The following SEC24C variants were observed in gnomAD, a reference collection of about 807,000 sequenced individuals.
SEC24C encodes protein transport protein Sec24C.
In SEC24C, 22 loss-of-function variants were observed where a neutral mutation model predicts 117.0. That is an observed-to-expected ratio of 0.19 (90% CI 0.13 to 0.27). The LOEUF (loss-of-function observed/expected upper bound fraction) is 0.27, where lower values mean the gene tolerates loss of function less well. Ranked by LOEUF, SEC24C falls within the 10% of genes least tolerant of loss-of-function variation. SEC24C has a pLI of 1.00. For synonymous variants in SEC24C, 506 were observed against 529.4 expected, an observed-to-expected ratio of 0.96 and a Z score of 0.61; for missense variants, 1,155 against 1,375.1, an observed-to-expected ratio of 0.84 and a Z score of 2.53.
In SEC24C at chr10:73,769,044, G is replaced by A; in HGVS notation, c.2316G>A (p.Met772Ile). 4.3e-6 allele frequency: 7 copies of A among 1,614,212 alleles called. No homozygotes were observed. The highest frequency in any genetic ancestry group is 5.9e-6 in the Non-Finnish European group (7 of 1,180,044). The change falls in exon 17 of 23, where the codon ATG becomes ATA. Residue 772 changes from methionine (M) to isoleucine (I), a missense_variant. By Grantham distance (10) the Met-to-Ile change is conservative (BLOSUM62 1). Around this residue, in one of 2 missense-constraint regions of SEC24C, gnomAD observed 759 missense variants for 992.3 expected, o/e 0.76. Transcript: ENST00000345254. The surrounding 1 kb of genome is among the most constrained non-coding windows in gnomAD (Gnocchi z 4.5). ...RAVDFFGAFYMSNTTDVELAG... is the reference protein window; with the variant it reads ...RAVDFFGAFYISNTTDVELAG... The stretch of plus-strand genomic sequence containing the variant: ...TAGATTTCTTTGGAGCTTTCTACAT[G>A]AGCAACACGACAGATGTGGAGCTGG...
intron 2 of SEC24C, among the ~76,000 whole-genome samples, chr10:73,749,638 G>C (rs923656042): frequency 6.6e-5 from 10 of 151,696 alleles, no homozygotes; most frequent in African/African-American, 2.4e-4. Flanking sequence ...CTGTCTCCCG[G>C]GTTCAAGCAG....
intron 5 of SEC24C, 113 bp from the exon 6 acceptor site, chr10:73,760,600 G>A: frequency 8.1e-7 from 1 of 1,227,498 alleles, no homozygotes; most frequent in Non-Finnish European, 1.1e-6. Context: ...TCTTTGCCAG[G>A]CATTAGTGTG....
In SEC24C at chr10:73,760,078, C is replaced by G. The variant is rs745761294; in HGVS notation, c.542C>G (p.Ser181Cys). 1.1e-5 allele frequency: 18 copies of G among 1,613,608 alleles called. No homozygotes were observed. The highest frequency in any genetic ancestry group is 3.3e-4 in the Middle Eastern group (2 of 6,082). Reference protein sequence around the residue: ...GSFPNSGLYGSYPQGQAPPLS... With the variant: ...GSFPNSGLYGCYPQGQAPPLS... Reference sequence around the variant, plus strand: ...TTCCCTAACTCTGGTCTGTATGGCTCCTATCCTCAGGGCCAGGCTCCTCCC... The same window carrying G: ...TTCCCTAACTCTGGTCTGTATGGCTGCTATCCTCAGGGCCAGGCTCCTCCC... Residue 181 changes from serine (S) to cysteine (C), a missense_variant, in exon 5 of 23, where the codon TCC (serine) becomes TGC (cysteine). Ser to Cys is a moderately radical substitution (Grantham distance 112). Around this residue, in one of 2 missense-constraint regions of SEC24C, gnomAD observed 396 missense variants for 382.8 expected, o/e 1.03. Coordinates refer to ENST00000345254, the MANE Select transcript of SEC24C (RefSeq NM_198597.3).
At chr10:73,755,019 G>C (rs1298254276) in intron 3 of SEC24C, among the ~76,000 whole-genome samples, 1 of 152,104 alleles carries the variant, frequency 6.6e-6, no homozygotes, top group Non-Finnish European at 1.5e-5. Context: ...TGTGGTCCCA[G>C]CTTCTTGGGA....
Position 73,767,914 on chromosome 10 carries a change from C to CGGTG in SEC24C, c.2088_2089insGGTG (p.Phe697GlyfsTer6). On this transcript the variant is annotated frameshift_variant, in exon 15 of 23. Coordinates refer to ENST00000345254, the MANE Select transcript of SEC24C (RefSeq NM_198597.3). LOFTEE classifies it high-confidence loss of function. ...TGGCCCAAGGCTGCTGTGTAGATCT[C>CGGTG]TTTCTCTTCCCTAACCAGTATGTGG... The CGGTG allele has an allele frequency of 1.9e-6, 3 of 1,594,532 alleles. No individual in the cohort carries two copies. The highest frequency in any genetic ancestry group is 2.3e-5 in the East Asian group (1 of 44,222).
intron 22 of SEC24C, 49 bp downstream of exon 22, chr10:73,770,847 T>C (rs376729482): frequency 3.5e-5 from 57 of 1,610,846 alleles, no homozygotes; most frequent in Non-Finnish European, 4.8e-5. Context: ...AGTCCTCACC[T>C]AGAAGTGGGG....
intron 1 of SEC24C, among the ~76,000 whole-genome samples, chr10:73,745,837 A>G (rs1396706835): frequency 2.0e-5 from 3 of 151,862 alleles, no homozygotes; most frequent in Admixed American, 2.0e-4. Flanking sequence ...GGCATGAGCC[A>G]CTGTGCCTGG....
intron 6 of SEC24C, among the ~76,000 whole-genome samples, chr10:73,761,291 T>A (rs1442100502): frequency 6.6e-6 from 1 of 152,208 alleles, no homozygotes; most frequent in Non-Finnish European, 1.5e-5. Flanking sequence ...TGCTCTTACT[T>A]GGACAGTTTT....
At chr10:73,747,733 C>A (rs1316776729) in intron 2 of SEC24C, among the ~76,000 whole-genome samples, 1 of 150,072 alleles carries the variant, frequency 6.7e-6, no homozygotes, top group African/African-American at 2.5e-5. Flanking sequence ...GATCTCGGCT[C>A]ACCACAACCT....
chr10:73,771,024 C>CT lies in SEC24C; in HGVS notation c.3215dup (p.Ser1073GlufsTer54), dbSNP rs774617880. The CT allele has an allele frequency of 6.2e-7, 1 of 1,614,202 alleles. No homozygotes were observed. The highest frequency in any genetic ancestry group is 8.5e-7 in the Non-Finnish European group (1 of 1,180,036). The stretch of plus-strand genomic sequence containing the variant: ...GCACTTCCTGGTGGAAGACAAGAGT[C>CT]TGAGTGGGGGAGCATCTTATGTGGA... On this transcript the variant is annotated frameshift_variant, in exon 23 of 23. Transcript: ENST00000345254. LOFTEE classifies it high-confidence loss of function.
In SEC24C at chr10:73,763,914, C is replaced by G. The variant is rs375942607; in HGVS notation, c.1158C>G (p.Asp386Glu). The change falls in exon 8 of 23, where the codon GAC becomes GAG. Residue 386 changes from aspartate to glutamate, a missense_variant. By Grantham distance (45) the Asp-to-Glu change is conservative. Transcript: ENST00000345254. Reference sequence around the variant, plus strand: ...CCTATAATATCCCTTGCACATCTGACATGGCTAAGCAGGCTCAGGTGCCCC... The same window carrying G: ...CCTATAATATCCCTTGCACATCTGAGATGGCTAAGCAGGCTCAGGTGCCCC... ...CTSYNIPCTS[D>E]MAKQAQVPLA... 2.4e-5 allele frequency: 39 copies of G among 1,613,094 alleles called. No homozygotes were observed. The highest frequency in any genetic ancestry group is 4.0e-5 in the African/African-American group (3 of 74,840).
rs1224920138 is a variant in SEC24C, at chr10:73,771,838, G to A, written c.*743G>A. On this transcript the variant is annotated 3_prime_UTR_variant, in exon 23 of 23. Transcript: ENST00000345254. ...GGTCATCAACTTGCAATACCTCACA[G>A]AGCCAGTTCACATCCCACTCTGAGC... The A allele has an allele frequency of 1.3e-5, 2 of 155,216 alleles. No individual in the cohort carries two copies. The highest frequency in any genetic ancestry group is 2.4e-5 in the African/African-American group (1 of 41,576). 9.6% of individuals were successfully genotyped at this position (155,216 alleles called of 1,614,324 possible). A position where few individuals can be genotyped will look rare whatever the true frequency, so the allele number is the denominator to read the frequency against.
chr10:73,749,093 G>C (rs1273174925), intron 2 of SEC24C, among the ~76,000 whole-genome samples: 1 of 152,140 alleles, frequency 6.6e-6, no homozygotes, highest in East Asian at 1.9e-4. Context: ...AAGCCATCTA[G>C]TGGGAACACA....
intron 8 of SEC24C, 92 bp from the exon 9 acceptor site, chr10:73,765,359 G>A (rs1225765690): frequency 1.1e-5 from 16 of 1,418,828 alleles, no homozygotes; most frequent in Non-Finnish European, 1.5e-5. Flanking sequence ...TCTGCGCCAT[G>A]CGCCTTCTTC....
intron 3 of SEC24C, among the ~76,000 whole-genome samples, chr10:73,755,349 G>A (rs763969370): frequency 1.3e-4 from 20 of 152,086 alleles, no homozygotes; most frequent in Non-Finnish European, 2.8e-4. Context: ...GGCAGTTTCA[G>A]TGTAGAGATA....
chr10:73,768,693 C>A, intron 15 of SEC24C, 117 bp from the exon 16 acceptor site: 2 of 871,480 alleles, frequency 2.3e-6, no homozygotes, highest in Admixed American at 4.0e-5. Context: ...TTATCATCCT[C>A]ACTGTTATGA....
chr10:73,750,555 C>T (rs946192831), intron 2 of SEC24C, among the ~76,000 whole-genome samples: 2 of 152,202 alleles, frequency 1.3e-5, no homozygotes, highest in Non-Finnish European at 2.9e-5. Context: ...TATAGGAACA[C>T]GTTCCTGAAT....
chr10:73,770,150 TGAGA>T (rs1211191918), intron 20 of SEC24C, 126 bp from the exon 21 acceptor site: 3 of 1,248,746 alleles, frequency 2.4e-6, no homozygotes, highest in Non-Finnish European at 3.4e-6. Flanking sequence ...ATTTTCACAC[TGAGA>T]GAGTTACTGA....
At position 73,772,034 on chromosome 10, in the gene SEC24C, T is replaced by C. The variant is rs1016692300; in HGVS notation, c.*939T>C. On this transcript the variant is annotated 3_prime_UTR_variant, in exon 23 of 23. Coordinates refer to ENST00000345254, the MANE Select transcript of SEC24C (RefSeq NM_198597.3). The stretch of plus-strand genomic sequence containing the variant: ...CTTGGGGGCAGGACAAGGGCTAGGC[T>C]TGATGGTGGCCAGGCTTGCCTGCTC... The C allele has an allele frequency of 5.5e-5, 18 of 329,912 alleles. No homozygotes were observed. The highest frequency in any genetic ancestry group is 8.8e-5 in the Non-Finnish European group (16 of 181,468). 20.4% of individuals were successfully genotyped at this position (329,912 alleles called of 1,614,324 possible). A position where few individuals can be genotyped will look rare whatever the true frequency, so the allele number is the denominator to read the frequency against.
Sources: gnomAD v4.1 joint callset for allele counts (sites outside exome capture counted in the v4.1 genomes callset) on GRCh38, gnomAD v4.1.1 for gene constraint, gnomAD v4.1.1 regional missense constraint, Gnocchi (gnomAD v3.1) non-coding constraint, MANE v1.5 for transcripts, NCBI Gene and HGNC (gene_info 2026-07-23, HGNC 2026-07-21) for gene names.